Variants in EEFSEC observed in about 807,000 individuals in gnomAD.
The protein encoded by EEFSEC is selenocysteine-specific elongation factor.
In EEFSEC, 43 loss-of-function variants were observed where a neutral mutation model predicts 42.1. That is an observed-to-expected ratio of 1.02 (90% CI 0.80 to 1.32). EEFSEC has a LOEUF of 1.32. Ranked by LOEUF, EEFSEC falls within the 40% of genes most tolerant of loss-of-function variation. EEFSEC has a pLI of 0.00. For synonymous variants in EEFSEC, 354 were observed against 339.1 expected, an observed-to-expected ratio of 1.04 and a Z score of -0.48; for missense variants, 745 against 803.6, an observed-to-expected ratio of 0.93 and a Z score of 0.88.
chr3:128,422,048 C>T, the EEFSEC span, among the ~76,000 whole-genome samples: 2,236 of 152,250 alleles, frequency 0.015, 32 homozygotes, highest in South Asian at 0.038. Context: ...TTGCCCAGCA[C>T]GGTGCTGGGC....
chr3:128,371,103 T>G (rs1329622019), intron 6 of EEFSEC, among the ~76,000 whole-genome samples: 2 of 152,028 alleles, frequency 1.3e-5, no homozygotes, highest in African/African-American at 4.8e-5. Context: ...AATGATGGTT[T>G]TGGAGCAGTT....
the EEFSEC span, among the ~76,000 whole-genome samples, chr3:128,420,107 G>GA: frequency 6.6e-6 from 1 of 152,128 alleles, no homozygotes; most frequent in African/African-American, 2.4e-5. Context: ...GAGACAGAGA[G>GA]AAAAAGAAGT....
intron 5 of EEFSEC, among the ~76,000 whole-genome samples, chr3:128,344,892 A>G (rs941604600): frequency 1.3e-5 from 2 of 152,242 alleles, no homozygotes; most frequent in Non-Finnish European, 2.9e-5. Flanking sequence ...CATCAGGTGA[A>G]GCAAGAAGGT....
intron 5 of EEFSEC, among the ~76,000 whole-genome samples, chr3:128,342,135 C>A (rs1185258591): frequency 2.0e-5 from 3 of 152,234 alleles, no homozygotes; most frequent in South Asian, 2.1e-4. Flanking sequence ...CCAATCCCAC[C>A]CAGCTATCCC....
chr3:128,335,714 C>T (rs1365088549), intron 4 of EEFSEC, among the ~76,000 whole-genome samples: 4 of 152,124 alleles, frequency 2.6e-5, no homozygotes, highest in Admixed American at 6.5e-5. Flanking sequence ...TGGGGAAGAA[C>T]AGGCTCTTGG....
chr3:128,167,414 A>G (rs2065251976), intron 1 of EEFSEC, among the ~76,000 whole-genome samples: 1 of 152,250 alleles, frequency 6.6e-6, no homozygotes, highest in African/African-American at 2.4e-5. Context: ...GTCATTTCCC[A>G]CTGCCTGCAC....
chr3:128,245,303 C>T (rs1437953132), intron 1 of EEFSEC, among the ~76,000 whole-genome samples: 1 of 152,186 alleles, frequency 6.6e-6, no homozygotes, highest in Non-Finnish European at 1.5e-5. Flanking sequence ...GAGAGGGAGT[C>T]TATCAGATGA....
chr3:128,351,205 G>T (rs1429114024), intron 5 of EEFSEC, among the ~76,000 whole-genome samples: 1 of 152,128 alleles, frequency 6.6e-6, no homozygotes, highest in African/African-American at 2.4e-5. Context: ...CTTCTCTTGG[G>T]CAGATTAGAT....
At chr3:128,339,632 G>T (rs888165175) in intron 4 of EEFSEC, among the ~76,000 whole-genome samples, 1 of 152,166 alleles carries the variant, frequency 6.6e-6, no homozygotes, top group African/African-American at 2.4e-5. Flanking sequence ...ACAGAGATAA[G>T]ATCAGGTTAC....
intron 6 of EEFSEC, among the ~76,000 whole-genome samples, chr3:128,368,771 A>G (rs190991248): frequency 1.4e-3 from 215 of 152,358 alleles, no homozygotes; most frequent in African/African-American, 4.7e-3. Context: ...GATGCCCAGC[A>G]TGTTGCAGGC....
At chr3:128,313,752 T>G (rs1211579907) in intron 4 of EEFSEC, among the ~76,000 whole-genome samples, 2 of 152,256 alleles carry the variant, frequency 1.3e-5, no homozygotes, top group Non-Finnish European at 2.9e-5. Flanking sequence ...TGGACATATA[T>G]GAATGTAGCA....
At chr3:128,391,951 C>T (rs963281246) in intron 6 of EEFSEC, among the ~76,000 whole-genome samples, 1 of 152,232 alleles carries the variant, frequency 6.6e-6, no homozygotes, top group Non-Finnish European at 1.5e-5. Context: ...AGTCTGCAAG[C>T]GCTTCCAGAA....
At chr3:128,319,251 T>C (rs1473742020) in intron 4 of EEFSEC, among the ~76,000 whole-genome samples, 1 of 152,214 alleles carries the variant, frequency 6.6e-6, no homozygotes, top group African/African-American at 2.4e-5. Context: ...GGGAGCCAGC[T>C]TACCCTGCCT....
At chr3:128,316,767 A>G (rs957796875) in intron 4 of EEFSEC, among the ~76,000 whole-genome samples, 6 of 152,188 alleles carry the variant, frequency 3.9e-5, no homozygotes. Context: ...GAACCGGGGC[A>G]CAGCCCTCCC....
intron 4 of EEFSEC, among the ~76,000 whole-genome samples, chr3:128,285,635 C>A (rs1377598457): frequency 6.6e-6 from 1 of 152,188 alleles, no homozygotes; most frequent in Non-Finnish European, 1.5e-5. Flanking sequence ...GATCCCCAAT[C>A]TGTAGTTGTT....
At chr3:128,253,356 C>T (rs2066207730) in intron 2 of EEFSEC, among the ~76,000 whole-genome samples, 1 of 152,244 alleles carries the variant, frequency 6.6e-6, no homozygotes, top group Middle Eastern at 3.4e-3. Context: ...AGATTTTTCT[C>T]CTACCCATCT....
intron 1 of EEFSEC, among the ~76,000 whole-genome samples, chr3:128,238,973 C>A (rs1489856320): frequency 6.6e-6 from 1 of 152,192 alleles, no homozygotes; most frequent in Non-Finnish European, 1.5e-5. Context: ...ATCATGGGAC[C>A]AGGACAGCAA....
At chr3:128,169,392 A>G (rs2107773531) in intron 1 of EEFSEC, among the ~76,000 whole-genome samples, 1 of 152,320 alleles carries the variant, frequency 6.6e-6, no homozygotes, top group East Asian at 1.9e-4. Flanking sequence ...GGACAGATGC[A>G]TATATCTGGA....
chr3:128,398,659 A>C (rs1317613546), intron 6 of EEFSEC, among the ~76,000 whole-genome samples: 1 of 152,092 alleles, frequency 6.6e-6, no homozygotes, highest in East Asian at 1.9e-4. Flanking sequence ...CACCTAGAGC[A>C]GGAGCCTCCA....
Sources: gnomAD v4.1 joint callset for allele counts (sites outside exome capture counted in the v4.1 genomes callset) on GRCh38, gnomAD v4.1.1 for gene constraint, MANE v1.5 for transcripts, NCBI Gene and HGNC (gene_info 2026-07-23, HGNC 2026-07-21) for gene names.